Variants in DMXL1 observed in about 807,000 individuals in gnomAD.
The protein encoded by DMXL1 is Dmx like 1.
A neutral mutation model predicts 319.2 loss-of-function variants in DMXL1; 99 were observed. The observed-to-expected ratio is 0.31, with a 90% confidence interval of 0.26 to 0.37. DMXL1 has a LOEUF of 0.37. Ranked by LOEUF, DMXL1 falls within the 10% of genes least tolerant of loss-of-function variation. The pLI is 1.00. For missense variants in DMXL1, 3,745 were observed against 3,595.6 expected, an observed-to-expected ratio of 1.04 and a Z score of -1.06; for synonymous variants, 1,385 against 1,235.2, an observed-to-expected ratio of 1.12 and a Z score of -2.54.
intron 42 of DMXL1, among the ~76,000 whole-genome samples, chr5:119,241,581 G>GCAACTA (rs1026480590): frequency 3.5e-4 from 53 of 151,758 alleles, no homozygotes; most frequent in African/African-American, 1.2e-3. Flanking sequence ...GAAATGGCAG[G>GCAACTA]CAACTACAGC....
intron 37 of DMXL1, 129 bp downstream of exon 37, chr5:119,221,210 A>G: frequency 1.6e-6 from 1 of 612,950 alleles, no homozygotes; most frequent in Non-Finnish European, 2.6e-6. Flanking sequence ...CATGTTGGAA[A>G]TTGTAAATTT....
chr5:119,093,148 G>T (rs1218297358), intron 1 of DMXL1, among the ~76,000 whole-genome samples: 1 of 151,964 alleles, frequency 6.6e-6, no homozygotes, highest in Non-Finnish European at 1.5e-5. Context: ...TTGTGTCTCT[G>T]TGTCGCATTT....
chr5:119,133,291 T>C lies in DMXL1; in HGVS notation c.1475T>C (p.Met492Thr), dbSNP rs751640860. Residue 492 changes from methionine to threonine, a missense_variant, in exon 11 of 44, where the codon ATG becomes ACG. Met to Thr is a moderately conservative substitution (Grantham distance 81, BLOSUM62 -1). Around this residue, in one of 4 missense-constraint regions of DMXL1, gnomAD observed 2,096 missense variants for 1,985.4 expected, o/e 1.06. Coordinates refer to ENST00000539542, the MANE Select transcript of DMXL1 (RefSeq NM_001290321.3). ...LLSEWSKNAD[M>T]LFSIHPMDGS... ...TCTGAATGGAGTAAAAATGCAGATA[T>C]GCTATTTAGTATTCATCCCATGGAT... The C allele has an allele frequency of 6.2e-7, 1 of 1,614,130 alleles. No individual in the cohort carries two copies. Among genetic ancestry groups the C allele is most frequent in the Admixed American group, 1.7e-5 (1 of 60,020 alleles).
chr5:119,167,656 C>G lies in DMXL1; in HGVS notation c.5190C>G (p.Leu1730=), dbSNP rs150598701. The G allele has an allele frequency of 1.2e-6, 2 of 1,612,094 alleles. No individual in the cohort carries two copies. The highest frequency in any genetic ancestry group is 2.2e-5 in the South Asian group (2 of 90,878). The change falls in exon 23 of 44, where the codon CTC becomes CTG. Residue 1730 remains leucine, a synonymous_variant. Transcript: ENST00000539542. ...AGTTGGCTCTTGTAATAGCAAGACT[C>G]TATGAGTCTGAATTTGATACATCTG... ...DIQLALVIAR[L]YESEFDTSAA...
rs1765225908 is a variant in DMXL1, at chr5:119,132,819, T to C, written c.1316-313T>C. On this transcript the variant is annotated intron_variant, in intron 10 of 43. Coordinates refer to ENST00000539542, the MANE Select transcript of DMXL1 (RefSeq NM_001290321.3). ...TAGGTGTTATGGTAACAAATGATACTTTTATTTTTTGAAAGTCCAAGTTTT... is the reference window on the plus strand; with the variant it reads ...TAGGTGTTATGGTAACAAATGATACCTTTATTTTTTGAAAGTCCAAGTTTT... The C allele has an allele frequency of 2.0e-5, 11 of 542,250 alleles. No homozygotes were observed. In the Admixed American group the frequency reaches 2.5e-4, roughly 13 times the overall value. The allele number at this position is 542,250 out of a possible 1,614,324, so 33.6% of individuals were successfully genotyped here.
At chr5:119,155,058 G>T (rs1395498723) in intron 19 of DMXL1, among the ~76,000 whole-genome samples, 13 of 152,226 alleles carry the variant, frequency 8.5e-5, no homozygotes. Flanking sequence ...CTTCTGTTGA[G>T]AAGAAAGATT....
At chr5:119,102,038 T>C (rs749844869) in intron 3 of DMXL1, 32 bp downstream of exon 3, 179 of 1,375,770 alleles carry the variant, frequency 1.3e-4, no homozygotes, top group Non-Finnish European at 1.6e-4. Context: ...CTTTTAGGAA[T>C]TGAAATGTTT....
At chr5:119,206,482 T>G (rs564521166) in intron 33 of DMXL1, 1 of 158,568 alleles carries the variant, frequency 6.3e-6, no homozygotes, top group African/African-American at 2.4e-5. Flanking sequence ...AATTCGACTT[T>G]GTTCATAGTA....
At chr5:119,161,155 C>G (rs1772183530) in intron 19 of DMXL1, among the ~76,000 whole-genome samples, 1 of 152,116 alleles carries the variant, frequency 6.6e-6, no homozygotes, top group African/African-American at 2.4e-5. Context: ...CTGAAATGAC[C>G]CCAGGGAGGC....
intron 19 of DMXL1, among the ~76,000 whole-genome samples, chr5:119,159,012 C>A (rs1771684223): frequency 6.6e-6 from 1 of 151,994 alleles, no homozygotes; most frequent in South Asian, 2.1e-4. Flanking sequence ...ACTTTTCTTT[C>A]CTTTCTGTTC....
chr5:119,238,640 T>C (rs1282133854), intron 40 of DMXL1, among the ~76,000 whole-genome samples: 3 of 152,212 alleles, frequency 2.0e-5, no homozygotes. Context: ...TGTTTTCCTT[T>C]GAACTTTTGG....
At chr5:119,119,387 C>T (rs1407116131) in intron 8 of DMXL1, among the ~76,000 whole-genome samples, 1 of 152,108 alleles carries the variant, frequency 6.6e-6, no homozygotes, top group Non-Finnish European at 1.5e-5. Flanking sequence ...CCCACCCCAC[C>T]CCCAGAACTT....
chr5:119,132,144 T>G (rs1765040343), intron 10 of DMXL1, among the ~76,000 whole-genome samples: 1 of 152,190 alleles, frequency 6.6e-6, no homozygotes, highest in Non-Finnish European at 1.5e-5. Context: ...TGTGATAGAT[T>G]GAACCATTCT....
chr5:119,182,016 G>A (rs1554130888), intron 28 of DMXL1, among the ~76,000 whole-genome samples: 1 of 152,066 alleles, frequency 6.6e-6, no homozygotes, highest in Non-Finnish European at 1.5e-5. Context: ...GTTTTTTTAA[G>A]GCATTATTAT....
At chr5:119,116,552 G>T (rs1351302621) in intron 7 of DMXL1, among the ~76,000 whole-genome samples, 1 of 152,140 alleles carries the variant, frequency 6.6e-6, no homozygotes, top group Non-Finnish European at 1.5e-5. Context: ...TTTAAGCTGG[G>T]ATAGTTTACT....
intron 4 of DMXL1, among the ~76,000 whole-genome samples, chr5:119,108,416 G>T (rs542479723): frequency 6.6e-6 from 1 of 152,002 alleles, no homozygotes; most frequent in African/African-American, 2.4e-5. Context: ...GTCAAATCTT[G>T]ACAATTCTTT....
At chr5:119,110,355 G>A (rs1439399069) in intron 5 of DMXL1, 72 bp downstream of exon 5, 1 of 1,371,948 alleles carries the variant, frequency 7.3e-7, no homozygotes, top group Non-Finnish European at 9.6e-7. Context: ...ATGTATTTTA[G>A]TTGTGTAAAA....
At chr5:119,081,906 A>G (rs938405913) in intron 1 of DMXL1, among the ~76,000 whole-genome samples, 5 of 151,410 alleles carry the variant, frequency 3.3e-5, no homozygotes, top group Non-Finnish European at 5.9e-5. Context: ...ACGAATAAAC[A>G]TGATTCTTGC....
intron 35 of DMXL1, among the ~76,000 whole-genome samples, chr5:119,219,775 C>T (rs954408802): frequency 2.0e-5 from 3 of 152,004 alleles, no homozygotes; most frequent in Non-Finnish European, 4.4e-5. Context: ...GCCATGTTGC[C>T]CAGGCTACTA....
Sources: allele counts gnomAD v4.1 joint callset (sites outside exome capture counted in the v4.1 genomes callset), GRCh38; gene constraint gnomAD v4.1.1; regional missense constraint gnomAD v4.1.1; transcripts MANE v1.5; gene names NCBI Gene and HGNC (gene_info 2026-07-23, HGNC 2026-07-21).